OR6B3: variants seen among roughly 807,000 people sequenced by gnomAD.
The protein encoded by OR6B3 is olfactory receptor 6B3.
For synonymous variants in OR6B3, 148 were observed against 187.8 expected (o/e 0.79, Z 1.73); for missense variants, 315 against 427.4 (o/e 0.74, Z 2.32).
exon 2 of OR6B3, chr2:240,045,946 G>A: frequency 1.9e-6 from 3 of 1,548,664 alleles, no homozygotes; most frequent in Non-Finnish European, 2.7e-6. Flanking sequence ...ATGATGGCCA[G>A]GTTCTCCACC....
At chr2:240,050,974 C>A (rs889159291), upstream of OR6B3, among the ~76,000 whole-genome samples, 1 of 152,090 alleles carries the variant, frequency 6.6e-6, no homozygotes, top group Non-Finnish European at 1.5e-5. Context: ...AATGTTCAAT[C>A]TGTCTCCAAA....
chr2:240,052,559 T>C, the OR6B3 span, among the ~76,000 whole-genome samples: 5 of 152,218 alleles, frequency 3.3e-5, no homozygotes, highest in Non-Finnish European at 4.4e-5. The surrounding 1 kb of genome is among the most constrained non-coding windows in gnomAD (Gnocchi z 4.5). Context: ...TTAAACATGA[T>C]GTCAGGATAG....
exon 2 of OR6B3, chr2:240,046,012 G>T: frequency 6.2e-7 from 1 of 1,613,020 alleles, no homozygotes. Context: ...TGCAGCCCTG[G>T]GGCCGTGGGG....
At chr2:240,048,915 A>G (rs1368667153), upstream of OR6B3, among the ~76,000 whole-genome samples, 2 of 152,212 alleles carry the variant, frequency 1.3e-5, no homozygotes, top group Non-Finnish European at 2.9e-5. Flanking sequence ...TGAGGATGTT[A>G]CCACCGTCCT....
upstream of OR6B3, among the ~76,000 whole-genome samples, chr2:240,047,514 G>A (rs1467857029): frequency 1.3e-5 from 2 of 152,196 alleles, no homozygotes; most frequent in Non-Finnish European, 2.9e-5. Flanking sequence ...AAGGTGGTGG[G>A]GACACTCACT....
chr2:240,048,633 A>T (rs1401891947), upstream of OR6B3, among the ~76,000 whole-genome samples: 2 of 152,122 alleles, frequency 1.3e-5, no homozygotes, highest in Non-Finnish European at 2.9e-5. Context: ...GAAACTCCAC[A>T]AGCCGTAGGG....
At chr2:240,046,031 C>T in exon 2 of OR6B3, 1 of 1,613,766 alleles carries the variant, frequency 6.2e-7, no homozygotes, top group African/African-American at 1.3e-5. Flanking sequence ...GGAAGCCCAC[C>T]AGGATGAAGG....
upstream of OR6B3, among the ~76,000 whole-genome samples, chr2:240,047,490 AC>A (rs1357709675): frequency 1.3e-5 from 2 of 152,102 alleles, no homozygotes; most frequent in Non-Finnish European, 2.9e-5. Context: ...AGGGCAGACG[AC>A]CCGTGAAGGT....
upstream of OR6B3, among the ~76,000 whole-genome samples, chr2:240,047,737 C>T (rs977236002): frequency 6.6e-6 from 1 of 152,098 alleles, no homozygotes; most frequent in Non-Finnish European, 1.5e-5. Context: ...TTTTCCCAGG[C>T]CATAATTCCA....
upstream of OR6B3, among the ~76,000 whole-genome samples, chr2:240,051,791 G>C (rs940726985): frequency 6.6e-5 from 10 of 152,216 alleles, no homozygotes; most frequent in East Asian, 1.2e-3. Context: ...ATGCTAAAAG[G>C]CTTTGATTAA....
chr2:240,052,236 AT>A, the OR6B3 span, among the ~76,000 whole-genome samples: 10 of 152,188 alleles, frequency 6.6e-5, no homozygotes, highest in Non-Finnish European at 1.2e-4. This position sits in a 1 kb window ranked among gnomAD's most constrained non-coding sequence, Gnocchi z 4.5. Flanking sequence ...ACTCAATTCT[AT>A]TTGAAATCTC....
At chr2:240,046,823 C>T (rs1331816206) in intron 1 of OR6B3, 129 bp downstream of exon 2, 2 of 152,360 alleles carry the variant, frequency 1.3e-5, no homozygotes, top group Non-Finnish European at 1.5e-5. Flanking sequence ...CGTCCACCCA[C>T]ACCTGAGTGT....
chr2:240,045,104 A>G, exon 2 of OR6B3: 3 of 1,600,798 alleles, frequency 1.9e-6, no homozygotes, highest in Non-Finnish European at 2.6e-6. Context: ...GTATTTGGAG[A>G]TGAAGTTCCA....
chr2:240,050,214 A>C (rs1005152365), upstream of OR6B3, among the ~76,000 whole-genome samples: 5 of 152,218 alleles, frequency 3.3e-5, no homozygotes, highest in Non-Finnish European at 7.3e-5. Flanking sequence ...TTATATGCCA[A>C]GATGCACGAC....
chr2:240,049,301 A>G (rs1698228223), upstream of OR6B3, among the ~76,000 whole-genome samples: 1 of 152,220 alleles, frequency 6.6e-6, no homozygotes. Context: ...TTGTACATAA[A>G]ATAGAAGATC....
At chr2:240,052,881 G>A in the OR6B3 span, among the ~76,000 whole-genome samples, 3 of 151,936 alleles carry the variant, frequency 2.0e-5, no homozygotes, top group Admixed American at 2.0e-4. This position sits in a 1 kb window ranked among gnomAD's most constrained non-coding sequence, Gnocchi z 4.5. Flanking sequence ...GCATGATCTC[G>A]GCTCACCGCA....
the OR6B3 span, among the ~76,000 whole-genome samples, chr2:240,052,526 T>C: frequency 2.0e-5 from 3 of 152,194 alleles, no homozygotes; most frequent in African/African-American, 7.2e-5. This position sits in a 1 kb window ranked among gnomAD's most constrained non-coding sequence, Gnocchi z 4.5. Context: ...GTGATACTAT[T>C]AGCAAGGAAA....
chr2:240,047,932 C>T (rs887310479), upstream of OR6B3, among the ~76,000 whole-genome samples: 2 of 151,926 alleles, frequency 1.3e-5, no homozygotes, highest in African/African-American at 2.4e-5. Flanking sequence ...TTTGCTTCCC[C>T]AAATAGCAGA....
chr2:240,049,683 G>A (rs969361537), upstream of OR6B3, among the ~76,000 whole-genome samples: 1 of 152,076 alleles, frequency 6.6e-6, no homozygotes, highest in African/African-American at 2.4e-5. Context: ...CTTGTTAATC[G>A]AAATAATATA....
Sources: allele counts gnomAD v4.1 joint callset (sites outside exome capture counted in the v4.1 genomes callset), GRCh38; gene constraint gnomAD v4.1.1; non-coding constraint Gnocchi (gnomAD v3.1); transcripts MANE v1.5; gene names NCBI Gene and HGNC (gene_info 2026-07-23, HGNC 2026-07-21).